The following MGAT4C variants were observed in gnomAD, a reference collection of about 807,000 sequenced individuals.
MGAT4C encodes the protein alpha-1,3-mannosyl-glycoprotein 4-beta-N-acetylglucosaminyltransferase C.
In MGAT4C, 19 loss-of-function variants were observed where a neutral mutation model predicts 40.1. The observed-to-expected ratio is 0.47, with a 90% CI of 0.33 to 0.70. MGAT4C has a LOEUF of 0.70. Ranked by LOEUF, MGAT4C falls within the 30% of genes least tolerant of loss-of-function variation. MGAT4C has a pLI of 0.02. For synonymous variants in MGAT4C, 181 were observed against 187.1 expected, an observed-to-expected ratio of 0.97 and a Z score of 0.27; for missense variants, 491 against 563.2, an observed-to-expected ratio of 0.87 and a Z score of 1.30.
chr12:86,340,180 T>G (rs534470519), intron 3 of MGAT4C, among the ~76,000 whole-genome samples: 1 of 152,314 alleles, frequency 6.6e-6, no homozygotes, highest in South Asian at 2.1e-4. Context: ...CAGTCAGATA[T>G]TAAGTAAATC....
chr12:86,175,567 C>T (rs892804713), intron 1 of MGAT4C, among the ~76,000 whole-genome samples: 1 of 152,092 alleles, frequency 6.6e-6, no homozygotes, highest in Non-Finnish European at 1.5e-5. Context: ...GATTCTCTCT[C>T]AGATTTGTAA....
chr12:86,340,097 T>A (rs929231380), intron 3 of MGAT4C, among the ~76,000 whole-genome samples: 5 of 152,198 alleles, frequency 3.3e-5, no homozygotes, highest in Non-Finnish European at 2.9e-5. Context: ...CTAATATAAG[T>A]TACAATCTCC....
chr12:86,713,058 G>A (rs747423711), intron 2 of MGAT4C, among the ~76,000 whole-genome samples: 3 of 151,184 alleles, frequency 2.0e-5, no homozygotes, highest in Admixed American at 6.7e-5. Context: ...CTATTTAATC[G>A]TTATGGAATT....
chr12:86,588,969 A>G (rs940664626), intron 2 of MGAT4C, among the ~76,000 whole-genome samples: 114 of 151,420 alleles, frequency 7.5e-4, no homozygotes, highest in African/African-American at 2.6e-3. Flanking sequence ...CAAAATTGAC[A>G]CCCTAACGTC....
chr12:86,199,488 C>T (rs1949956414), intron 1 of MGAT4C, among the ~76,000 whole-genome samples: 1 of 152,026 alleles, frequency 6.6e-6, no homozygotes, highest in African/African-American at 2.4e-5. Context: ...TTTATTTCCT[C>T]ATTCATAATA....
At chr12:86,399,798 C>T (rs752110978) in intron 3 of MGAT4C, among the ~76,000 whole-genome samples, 4 of 152,172 alleles carry the variant, frequency 2.6e-5, no homozygotes, top group Non-Finnish European at 5.9e-5. Flanking sequence ...AGAACTCTTC[C>T]AGACCTTGCC....
intron 2 of MGAT4C, among the ~76,000 whole-genome samples, chr12:86,643,189 G>A (rs2136523991): frequency 6.6e-6 from 1 of 151,802 alleles, no homozygotes; most frequent in Admixed American, 6.6e-5. Context: ...GCCCACTGCT[G>A]TGATAATGAA....
At chr12:86,412,712 G>A (rs1375800384) in intron 3 of MGAT4C, among the ~76,000 whole-genome samples, 1 of 152,170 alleles carries the variant, frequency 6.6e-6, no homozygotes, top group Non-Finnish European at 1.5e-5. Context: ...TTAGGGGACT[G>A]TTTAGAAGGG....
intron 4 of MGAT4C, among the ~76,000 whole-genome samples, chr12:86,309,712 A>G (rs547581414): frequency 6.6e-6 from 1 of 152,360 alleles, no homozygotes; most frequent in East Asian, 1.9e-4. Context: ...ATTTTTCTAA[A>G]TTGTTGGTGG....
chr12:86,774,907 T>C (rs1159145275), intron 1 of MGAT4C, among the ~76,000 whole-genome samples: 3 of 152,106 alleles, frequency 2.0e-5, no homozygotes, highest in Non-Finnish European at 2.9e-5. Flanking sequence ...TTCTTGCAAA[T>C]TTAAAAGAGA....
rs1392536220 is a variant in MGAT4C, at chr12:85,969,871, TA to T, written c.*9417del. On this transcript the variant is annotated 3_prime_UTR_variant, in exon 5 of 5. Transcript: ENST00000611864. Reference sequence around the variant, plus strand: ...AGCTTTTTTAATACCTCTTACCTTATATGGTTGTTTAATCTATTAAATAGAC... The same window carrying T: ...AGCTTTTTTAATACCTCTTACCTTATTGGTTGTTTAATCTATTAAATAGAC... 2 of 151,484 alleles carry T rather than the reference TA, an allele frequency of 1.3e-5. No individual in the cohort carries two copies. Among genetic ancestry groups the T allele is most frequent in the Non-Finnish European group, 3.0e-5 (2 of 67,514 alleles). The allele number at this position is 151,484 out of a possible 1,614,324, so 9.4% of individuals were successfully genotyped here.
chr12:86,715,864 C>T (rs976024444), intron 2 of MGAT4C, among the ~76,000 whole-genome samples: 2 of 151,922 alleles, frequency 1.3e-5, no homozygotes, highest in Non-Finnish European at 2.9e-5. Context: ...TGGGCTTTTA[C>T]AAAAATGTAC....
At chr12:86,689,037 G>A (rs956501386) in intron 2 of MGAT4C, among the ~76,000 whole-genome samples, 6 of 151,848 alleles carry the variant, frequency 4.0e-5, no homozygotes, top group Admixed American at 1.3e-4. Context: ...GGAGGCTTTG[G>A]TCATTCTTTT....
intron 2 of MGAT4C, among the ~76,000 whole-genome samples, chr12:86,523,708 G>A (rs1958833836): frequency 6.6e-6 from 1 of 152,066 alleles, no homozygotes; most frequent in Non-Finnish European, 1.5e-5. Context: ...CACTATTATT[G>A]TGCAGGAGTT....
intron 1 of MGAT4C, among the ~76,000 whole-genome samples, chr12:86,114,783 C>T (rs866899707): frequency 7.9e-5 from 12 of 151,908 alleles, no homozygotes; most frequent in African/African-American, 2.7e-4. Context: ...ATTTCTCTTC[C>T]AACCGCCCCC....
intron 1 of MGAT4C, among the ~76,000 whole-genome samples, chr12:86,832,535 C>A (rs889929174): frequency 2.0e-5 from 3 of 151,704 alleles, no homozygotes; most frequent in Non-Finnish European, 4.4e-5. Flanking sequence ...AGCATCATAC[C>A]TGCGATTTAC....
intron 4 of MGAT4C, among the ~76,000 whole-genome samples, chr12:86,303,572 A>G (rs10776960): frequency 0.89 from 131,693 of 148,736 alleles, 58,759 homozygotes; most frequent in East Asian, 1. Flanking sequence ...AAAAAAAAGA[A>G]TAAAACTACT....
At chr12:86,663,210 A>G (rs1269517781) in intron 2 of MGAT4C, among the ~76,000 whole-genome samples, 1 of 151,924 alleles carries the variant, frequency 6.6e-6, no homozygotes, top group African/African-American at 2.4e-5. Flanking sequence ...AATACGAAAA[A>G]TTAGTTGGAC....
intron 1 of MGAT4C, among the ~76,000 whole-genome samples, chr12:86,122,309 T>C (rs1026582603): frequency 3.3e-5 from 5 of 152,156 alleles, no homozygotes; most frequent in African/African-American, 7.2e-5. Flanking sequence ...TCTTTTTCGG[T>C]TATTACTTTC....
Sources: allele counts gnomAD v4.1 joint callset (sites outside exome capture counted in the v4.1 genomes callset), GRCh38; gene constraint gnomAD v4.1.1; transcripts MANE v1.5; gene names NCBI Gene and HGNC (gene_info 2026-07-23, HGNC 2026-07-21).